HGS: variants seen among roughly 807,000 people sequenced by gnomAD.
HGS encodes the protein hepatocyte growth factor-regulated tyrosine kinase substrate.
A neutral mutation model predicts 109.7 loss-of-function variants in HGS; 63 were observed. The ratio of observed to expected loss-of-function variants is 0.57; its 90% CI spans 0.47 to 0.71. The LOEUF (loss-of-function observed/expected upper bound fraction) is 0.71, where lower values mean the gene tolerates loss of function less well. Among genes scored for constraint, HGS ranks in the 30% least tolerant of loss-of-function variants. HGS has a pLI of 0.00. For synonymous variants in HGS, 546 were observed against 437.3 expected, an observed-to-expected ratio of 1.25 and a Z score of -3.10; for missense variants, 995 against 1,068.3, an observed-to-expected ratio of 0.93 and a Z score of 0.96.
chr17:81,690,479 G>A (rs2037046778), intron 6 of HGS, 195 bp from the exon 7 acceptor site: 2 of 628,970 alleles, frequency 3.2e-6, no homozygotes, highest in Non-Finnish European at 2.7e-6. Context: ...CCTTTGATGA[G>A]GAAGGAAGTC....
intron 6 of HGS, 195 bp downstream of exon 6, chr17:81,690,429 CT>C: frequency 1.5e-6 from 1 of 664,896 alleles, no homozygotes; most frequent in Non-Finnish European, 2.6e-6. Flanking sequence ...GCTTGAGGGC[CT>C]TTAGAGTGGC....
intron 18 of HGS, 50 bp from the exon 19 acceptor site, chr17:81,700,417 T>C: frequency 6.9e-7 from 1 of 1,443,654 alleles, no homozygotes; most frequent in Non-Finnish European, 9.3e-7. Flanking sequence ...TCCCTTCCTC[T>C]CCTCCCTGTT....
chr17:81,691,335 C>T lies in HGS; in HGVS notation c.538-112C>T, dbSNP rs2037061140. On this transcript the variant is annotated intron_variant, in intron 7 of 21. Coordinates refer to ENST00000329138, the MANE Select transcript of HGS (RefSeq NM_004712.5). This position sits in a 1 kb window ranked among gnomAD's most constrained non-coding sequence, Gnocchi z 5.3. ...GGCACTTGTTCTGCTTGTCCCTTGCCTTCCCCCACCTGTGAGGCCCAGCTT... is the reference window on the plus strand; with the variant it reads ...GGCACTTGTTCTGCTTGTCCCTTGCTTTCCCCCACCTGTGAGGCCCAGCTT... 10 of 1,359,878 alleles carry T rather than the reference C, an allele frequency of 7.4e-6. No homozygotes were observed. Among genetic ancestry groups the T allele is most frequent in the Admixed American group, 7.0e-5 (4 of 57,342 alleles). The allele number at this position is 1,359,878 out of a possible 1,614,324, so 84.2% of individuals were successfully genotyped here. A position where few individuals can be genotyped will look rare whatever the true frequency, so the allele number is the denominator to read the frequency against.
intron 6 of HGS, 190 bp downstream of exon 6, chr17:81,690,424 A>G: frequency 1.5e-6 from 1 of 672,828 alleles, no homozygotes; most frequent in Non-Finnish European, 2.5e-6. Context: ...ACGTGGCTTG[A>G]GGGCCTTTAG....
chr17:81,684,389 T>C (rs551360083), intron 1 of HGS: 1 of 330,186 alleles, frequency 3.0e-6, no homozygotes, highest in South Asian at 1.5e-4. Context: ...ATTCGGCCGA[T>C]TTCCTCTTGA....
intron 11 of HGS, 76 bp downstream of exon 11, chr17:81,694,041 AT>A (rs755790657): frequency 4.5e-6 from 6 of 1,318,882 alleles, no homozygotes; most frequent in Non-Finnish European, 6.2e-6. Context: ...CCCTGAGCTG[AT>A]TTAGTCAGGT....
chr17:81,694,908 C>T lies in HGS; in HGVS notation c.976-16C>T. 1 of 1,614,220 alleles carries T rather than the reference C, an allele frequency of 6.2e-7. No homozygotes were observed. Among genetic ancestry groups the T allele is most frequent in the Non-Finnish European group, 8.5e-7 (1 of 1,180,040 alleles). On this transcript the variant is annotated splice_polypyrimidine_tract_variant and intron_variant, in intron 12 of 21. Coordinates refer to ENST00000329138, the MANE Select transcript of HGS (RefSeq NM_004712.5). ...ACGGTTTCTGGCCTTGGGAGTGACCCCCTCATTGCCTGCAGCTCGCACGGT... is the reference window on the plus strand; with the variant it reads ...ACGGTTTCTGGCCTTGGGAGTGACCTCCTCATTGCCTGCAGCTCGCACGGT...
intron 15 of HGS, 164 bp from the exon 16 acceptor site, chr17:81,696,193 C>A: frequency 9.6e-7 from 1 of 1,036,480 alleles, no homozygotes. Flanking sequence ...CTGCCCTGCC[C>A]TGCCCTGCCC....
rs1355375088 is a variant in HGS, at chr17:81,691,240, C to T, written c.538-207C>T. The T allele has an allele frequency of 6.8e-6, 4 of 592,518 alleles. No homozygotes were observed. Among genetic ancestry groups the T allele is most frequent in the African/African-American group, 1.9e-5 (1 of 53,726 alleles). The allele number at this position is 592,518 out of a possible 1,614,324, so 36.7% of individuals were successfully genotyped here. On this transcript the variant is annotated intron_variant, in intron 7 of 21. Transcript: ENST00000329138. This position sits in a 1 kb window ranked among gnomAD's most constrained non-coding sequence, Gnocchi z 5.3. Reference sequence around the variant, plus strand: ...CCTTACTTTTAACTTACCTTATTTTCCCCAAAACGGTGGCTGGCGTTGAGA... The same window carrying T: ...CCTTACTTTTAACTTACCTTATTTTTCCCAAAACGGTGGCTGGCGTTGAGA...
chr17:81,684,289 G>A (rs2036934267), intron 1 of HGS, 186 bp downstream of exon 1: 1 of 453,466 alleles, frequency 2.2e-6, no homozygotes, highest in Non-Finnish European at 3.6e-6. Context: ...TGGGGTCGGC[G>A]TCCGTCGGGC....
intron 10 of HGS, 21 bp from the exon 11 acceptor site, chr17:81,693,849 C>T (rs1315450659): frequency 2.5e-6 from 4 of 1,589,862 alleles, no homozygotes; most frequent in Non-Finnish European, 3.4e-6. Flanking sequence ...CCAAGTGACG[C>T]CCCTTCTGAT....
At position 81,695,216 on chromosome 17, in the gene HGS, T is replaced by G; in HGVS notation, c.1172T>G (p.Phe391Cys). The G allele has an allele frequency of 6.2e-7, 1 of 1,614,114 alleles. No individual in the cohort carries two copies. The highest frequency in any genetic ancestry group is 1.1e-5 in the South Asian group (1 of 91,086). The stretch of plus-strand genomic sequence containing the variant: ...CCCATTCCTCCCTCTGGTGGCCCCT[T>G]TAGTGAGGTAAGCTGTGGCTCCCTC... ...SQPIPPSGGP[F>C]SEPQFHNGES... Residue 391 changes from phenylalanine (F) to cysteine (C), a missense_variant, in exon 14 of 22, where the codon TTT becomes TGT. Transcript: ENST00000329138.
At chr17:81,684,780 TG>T in intron 1 of HGS, 1 of 352,970 alleles carries the variant, frequency 2.8e-6, no homozygotes, top group Non-Finnish European at 4.0e-6. Context: ...GGTGGTCGAA[TG>T]GGCTGCCCAA....
chr17:81,695,763 C>T, intron 14 of HGS, 23 bp from the exon 15 acceptor site: 2 of 1,612,002 alleles, frequency 1.2e-6, no homozygotes, highest in Non-Finnish European at 1.7e-6. Flanking sequence ...CCGCACTCAT[C>T]CAGAACCCTG....
intron 4 of HGS, among the ~76,000 whole-genome samples, chr17:81,687,909 C>A (rs1188379802): frequency 6.6e-6 from 1 of 152,198 alleles, no homozygotes; most frequent in Non-Finnish European, 1.5e-5. Flanking sequence ...GCTTCCTGTC[C>A]CGTCCTGTCC....
rs761681172 is a variant in HGS, at chr17:81,688,870, T to G, written c.415+43T>G. 2.5e-6 allele frequency: 4 copies of G among 1,612,634 alleles called. No individual in the cohort carries two copies. The Admixed American group carries it at 5.0e-5, about 20-fold the overall frequency. On this transcript the variant is annotated intron_variant, in intron 5 of 21. Coordinates refer to ENST00000329138, the MANE Select transcript of HGS (RefSeq NM_004712.5). ...TTGGGACCAGGTTGAGGCTTGGAAC[T>G]GCTGGGCAGTCAGGCTCAACGGGCA...
In HGS at chr17:81,696,836, C is replaced by T; in HGVS notation, c.1720C>T (p.Pro574Ser). The T allele has an allele frequency of 6.2e-7, 1 of 1,609,676 alleles. No homozygotes were observed. Among genetic ancestry groups the T allele is most frequent in the Non-Finnish European group, 8.5e-7 (1 of 1,178,402 alleles). Residue 574 changes from proline (P) to serine (S), a missense_variant, in exon 18 of 22, where the codon CCC (proline) becomes TCC (serine). Pro to Ser is a moderately conservative substitution (Grantham distance 74, BLOSUM62 -1). Around this residue, in one of 6 missense-constraint regions of HGS, gnomAD observed 326 missense variants for 309.7 expected, o/e 1.05. Transcript: ENST00000329138. ...CTTTTGTCCCCAGCTCCAGGCCATG[C>T]CCGCAGCCGGAGGTGTGCTCTACCA... ...PLPYAQLQAM[P>S]AAGGVLYQPS... is the part of the protein sequence containing the mutation.
Position 81,691,771 on chromosome 17 carries a change from C to T in HGS, c.662+200C>T. On this transcript the variant is annotated intron_variant, in intron 8 of 21. Coordinates refer to ENST00000329138, the MANE Select transcript of HGS (RefSeq NM_004712.5). The surrounding 1 kb of genome is among the most constrained non-coding windows in gnomAD (Gnocchi z 5.3). Reference sequence around the variant, plus strand: ...CACTAGGGCAGGTGGGTGTGAGAGACAGGGCGCCGCGGCTCCAGGGACCGA... The same window carrying T: ...CACTAGGGCAGGTGGGTGTGAGAGATAGGGCGCCGCGGCTCCAGGGACCGA... The T allele has an allele frequency of 1.7e-6, 1 of 580,630 alleles. No individual in the cohort carries two copies. Among genetic ancestry groups the T allele is most frequent in the Non-Finnish European group, 3.0e-6 (1 of 336,896 alleles). The allele number at this position is 580,630 out of a possible 1,614,324, so 36.0% of individuals were successfully genotyped here. A position where few individuals can be genotyped will look rare whatever the true frequency, so the allele number is the denominator to read the frequency against.
chr17:81,701,055 C>T lies in HGS; in HGVS notation c.2147C>T (p.Thr716Ile). ...GTCTTCTCACAACAGAATCTCATGA[C>T]CACCCTCCCAAGCCAGGATGCGTCT... is the stretch of plus-strand genomic sequence containing the variant. ...YQPYNMQNLM[T>I]TLPSQDASLP... The change falls in exon 21 of 22, where the codon ACC becomes ATC. Residue 716 changes from threonine (T) to isoleucine (I), a missense_variant. Around this residue, in one of 6 missense-constraint regions of HGS, gnomAD observed 326 missense variants for 309.7 expected, o/e 1.05. Coordinates refer to ENST00000329138, the MANE Select transcript of HGS (RefSeq NM_004712.5). 1 of 1,613,964 alleles carries T rather than the reference C, an allele frequency of 6.2e-7. No homozygotes were observed. The highest frequency in any genetic ancestry group is 8.5e-7 in the Non-Finnish European group (1 of 1,179,926).
Sources: allele counts gnomAD v4.1 joint callset (sites outside exome capture counted in the v4.1 genomes callset), GRCh38; gene constraint gnomAD v4.1.1; regional missense constraint gnomAD v4.1.1; non-coding constraint Gnocchi (gnomAD v3.1); transcripts MANE v1.5; gene names NCBI Gene and HGNC (gene_info 2026-07-23, HGNC 2026-07-21).